The following DLC1 variants were observed in gnomAD, a reference collection of about 807,000 sequenced individuals.
DLC1 encodes DLC1 Rho GTPase activating protein, also known as rho GTPase-activating protein 7.
In DLC1, 54 loss-of-function variants were observed where a neutral mutation model predicts 140.3. The ratio of observed to expected loss-of-function variants is 0.38; its 90% CI spans 0.31 to 0.48. The LOEUF (loss-of-function observed/expected upper bound fraction) is 0.48. Ranked by LOEUF, DLC1 falls within the 20% of genes least tolerant of loss-of-function variation. DLC1 has a pLI of 0.96. For missense variants in DLC1, 2,536 were observed against 1,907.0 expected (o/e 1.33, Z -6.14); for synonymous variants, 986 against 728.1 (o/e 1.35, Z -5.70).
intron 3 of DLC1, among the ~76,000 whole-genome samples, chr8:13,401,235 T>G (rs1837281561): frequency 6.6e-6 from 1 of 152,216 alleles, no homozygotes; most frequent in Non-Finnish European, 1.5e-5. Flanking sequence ...TTCCTTCCTG[T>G]TTAATGATAA....
intron 5 of DLC1, among the ~76,000 whole-genome samples, chr8:13,224,267 G>A (rs1206119650): frequency 1.4e-4 from 22 of 152,188 alleles, no homozygotes; most frequent in Admixed American, 1.4e-3. Flanking sequence ...AAATAGCAAT[G>A]ATATTGGTTG....
At chr8:13,601,255 A>G (rs1037185418) in intron 1 of DLC1, among the ~76,000 whole-genome samples, 13 of 151,806 alleles carry the variant, frequency 8.6e-5, no homozygotes, top group African/African-American at 2.2e-4. Flanking sequence ...TTTAGTTTCC[A>G]TAATCAGATT....
In DLC1 at chr8:13,562,866, A is replaced by G. The variant is rs538685558; in HGVS notation, c.-126+41671T>C. On this transcript the variant is annotated intron_variant, in intron 1 of 1. Transcript: ENST00000631382. The stretch of plus-strand genomic sequence containing the variant: ...AGAAATAAATGAGAATGATGTCTAT[A>G]TGCTGTTGTAAAGTGGTATCTAGAA... 5.9e-5 allele frequency among the ~76,000 whole-genome samples: 9 copies of G among 151,910 alleles called. No homozygotes were observed. In the East Asian group the frequency reaches 1.4e-3, roughly 23 times the overall value.
At chr8:13,524,536 T>C (rs567273152) in intron 1 of DLC1, among the ~76,000 whole-genome samples, 17 of 152,324 alleles carry the variant, frequency 1.1e-4, no homozygotes, top group Non-Finnish European at 2.1e-4. Flanking sequence ...AAAAATTGTT[T>C]TACAATTTGG....
intron 5 of DLC1, among the ~76,000 whole-genome samples, chr8:13,135,205 T>C (rs1037566349): frequency 1.2e-5 from 1 of 85,818 alleles, no homozygotes; most frequent in Non-Finnish European, 2.3e-5. Flanking sequence ...GTGAGAAGCC[T>C]TTTTTTTTTT....
At chr8:13,519,302 G>T (rs928215866), upstream of DLC1, among the ~76,000 whole-genome samples, 2 of 151,934 alleles carry the variant, frequency 1.3e-5, no homozygotes, top group Non-Finnish European at 1.5e-5. Flanking sequence ...TATTTTTTTT[G>T]TATTTTTAGT....
chr8:13,381,546 G>C (rs1170013487), intron 4 of DLC1, among the ~76,000 whole-genome samples: 1 of 152,188 alleles, frequency 6.6e-6, no homozygotes, highest in Non-Finnish European at 1.5e-5. Flanking sequence ...GGCAGTCTCT[G>C]TCGTTGTCTC....
At chr8:13,205,467 GTCTC>G (rs1827615613) in intron 5 of DLC1, among the ~76,000 whole-genome samples, 1 of 152,170 alleles carries the variant, frequency 6.6e-6, no homozygotes, top group African/African-American at 2.4e-5. Flanking sequence ...AGTTGGCCAA[GTCTC>G]TCTCAATCAT....
intron 4 of DLC1, among the ~76,000 whole-genome samples, chr8:13,319,663 A>T (rs1586130618): frequency 6.6e-6 from 1 of 152,060 alleles, no homozygotes; most frequent in Admixed American, 6.5e-5. Context: ...CTCGCCAGCC[A>T]TGCTTCCTGT....
rs28634679 is a variant in DLC1 at position 13,480,728 on chromosome 8, A to C, written c.1023+18321T>G. 2.0e-5 allele frequency among the ~76,000 whole-genome samples: 3 copies of C among 152,068 alleles called. No homozygotes were observed. The South Asian group carries it at 6.2e-4, about 32-fold the overall frequency. On this transcript the variant is annotated intron_variant, in intron 2 of 17. Coordinates refer to ENST00000276297, the MANE Select transcript of DLC1 (RefSeq NM_182643.3). ...AGACCAGCCTCGCCAACAGGGTGAA[A>C]CCCAATTTCTACTAAAAGTATAAAA...
intron 4 of DLC1, among the ~76,000 whole-genome samples, chr8:13,363,665 C>CA (rs1835348560): frequency 2.6e-5 from 4 of 151,164 alleles, no homozygotes; most frequent in East Asian, 1.9e-4. Context: ...TGAAAACAAA[C>CA]AAAAAAAACC....
intron 10 of DLC1, among the ~76,000 whole-genome samples, chr8:13,098,034 G>GAAA (rs35785512): frequency 2.9e-5 from 2 of 68,424 alleles, no homozygotes; most frequent in South Asian, 8.8e-4. Context: ...AAGGAAAAAA[G>GAAA]AAAAAAAAAA....
intron 5 of DLC1, among the ~76,000 whole-genome samples, chr8:13,137,477 G>A (rs887035171): frequency 6.8e-6 from 1 of 146,536 alleles, no homozygotes; most frequent in Non-Finnish European, 1.5e-5. Flanking sequence ...TTATATGGGG[G>A]TGTTGTTACT....
chr8:13,312,135 G>A (rs929124878), intron 4 of DLC1, among the ~76,000 whole-genome samples: 2 of 129,900 alleles, frequency 1.5e-5, no homozygotes, highest in African/African-American at 5.9e-5. Context: ...GCCGAGGCGG[G>A]CGGATCACGA....
chr8:13,407,509 C>T (rs890182619), intron 2 of DLC1, among the ~76,000 whole-genome samples: 11 of 151,780 alleles, frequency 7.2e-5, no homozygotes, highest in African/African-American at 2.7e-4. Context: ...TGTGCCTCTT[C>T]TAGAGAGACA....
Position 13,579,318 on chromosome 8 carries a change from TATATATA to T in DLC1, c.-126+25212_-126+25218del, listed in dbSNP as rs1563453805. 7.9e-3 allele frequency among the ~76,000 whole-genome samples: 43 copies of T among 5,474 alleles called. 7 individuals carry two copies. The South Asian group carries it at 0.18, about 23-fold the overall frequency. 3.6% of individuals were successfully genotyped at this position (5,474 alleles called of 152,430 possible). A position where few individuals can be genotyped will look rare whatever the true frequency, so the allele number is the denominator to read the frequency against. ...GTCAGATACCACAGGTCTGACTTTA[TATATATA>T]TATATATATATATATATATATATAT... On this transcript the variant is annotated intron_variant, in intron 1 of 1. Coordinates refer to the DLC1 transcript ENST00000631382.
At chr8:13,155,557 C>G (rs1824193809) in intron 5 of DLC1, among the ~76,000 whole-genome samples, 1 of 152,024 alleles carries the variant, frequency 6.6e-6, no homozygotes, top group Non-Finnish European at 1.5e-5. Context: ...TATTGAGATA[C>G]ATGCTTTTAG....
intron 5 of DLC1, among the ~76,000 whole-genome samples, chr8:13,286,957 T>G (rs1269423573): frequency 2.0e-5 from 3 of 152,166 alleles, no homozygotes; most frequent in Non-Finnish European, 4.4e-5. Flanking sequence ...AGGTGAAGGT[T>G]GAGCACTCTA....
chr8:13,600,353 G>A (rs1302639475), intron 1 of DLC1, among the ~76,000 whole-genome samples: 2 of 151,828 alleles, frequency 1.3e-5, no homozygotes, highest in Non-Finnish European at 2.9e-5. Context: ...AGGACCTGAA[G>A]TAATTAAAAT....
Sources: gnomAD v4.1 joint callset for allele counts (sites outside exome capture counted in the v4.1 genomes callset) on GRCh38, gnomAD v4.1.1 for gene constraint, MANE v1.5 for transcripts, NCBI Gene and HGNC (gene_info 2026-07-23, HGNC 2026-07-21) for gene names.